SEMA3A: variants seen among roughly 807,000 people sequenced by gnomAD.
SEMA3A encodes semaphorin-3A.
SEMA3A carries 29 observed loss-of-function variants against 97.9 expected under a neutral mutation model. That is an observed-to-expected ratio of 0.30 (90% CI 0.22 to 0.40). SEMA3A has a LOEUF of 0.40. Among genes scored for constraint, SEMA3A ranks in the 10% least tolerant of loss-of-function variants. The pLI, the probability that SEMA3A is intolerant of heterozygous loss-of-function variation, is 1.00. For synonymous variants in SEMA3A, 321 were observed against 323.7 expected, an observed-to-expected ratio of 0.99 and a Z score of 0.09; for missense variants, 763 against 951.3, an observed-to-expected ratio of 0.80 and a Z score of 2.60.
chr7:84,283,008 C>T (rs978775745), intron 3 of SEMA3A, among the ~76,000 whole-genome samples: 15 of 150,344 alleles, frequency 1.0e-4, no homozygotes, highest in African/African-American at 3.6e-4. Flanking sequence ...AGTAAGACTC[C>T]ATCTAAAAAA....
At chr7:84,242,263 A>G (rs1396176631) in intron 3 of SEMA3A, among the ~76,000 whole-genome samples, 1 of 152,206 alleles carries the variant, frequency 6.6e-6, no homozygotes, top group East Asian at 1.9e-4. Context: ...GTCTATGAGC[A>G]TGGAATGTTT....
intron 2 of SEMA3A, among the ~76,000 whole-genome samples, chr7:84,338,539 C>A (rs1802090649): frequency 1.3e-5 from 2 of 151,872 alleles, no homozygotes; most frequent in Admixed American, 1.3e-4. Flanking sequence ...TTAAAGTTAC[C>A]CTCAGACTTT....
intron 3 of SEMA3A, among the ~76,000 whole-genome samples, chr7:84,234,472 A>C (rs1799188289): frequency 6.6e-6 from 1 of 151,956 alleles, no homozygotes; most frequent in Non-Finnish European, 1.5e-5. Flanking sequence ...ATTTGTCTTT[A>C]TCTCTCTACT....
intron 4 of SEMA3A, among the ~76,000 whole-genome samples, chr7:84,067,325 G>T (rs1369194401): frequency 6.6e-6 from 1 of 152,118 alleles, no homozygotes; most frequent in Non-Finnish European, 1.5e-5. Flanking sequence ...AACCCTAGAA[G>T]AAAACCTAGG....
intron 3 of SEMA3A, among the ~76,000 whole-genome samples, chr7:84,211,345 T>A (rs1374822008): frequency 6.6e-6 from 1 of 152,074 alleles, no homozygotes; most frequent in African/African-American, 2.4e-5. Flanking sequence ...GTGTGGTGAC[T>A]TACACCTGTA....
At chr7:84,053,113 G>A (rs958377211) in intron 5 of SEMA3A, among the ~76,000 whole-genome samples, 1 of 141,390 alleles carries the variant, frequency 7.1e-6, no homozygotes, top group African/African-American at 2.5e-5. Flanking sequence ...TACATTTGCT[G>A]AGGAGAGCTT....
At chr7:84,356,226 TTAATA>T (rs1562916864) in intron 2 of SEMA3A, among the ~76,000 whole-genome samples, 1 of 151,884 alleles carries the variant, frequency 6.6e-6, no homozygotes, top group African/African-American at 2.4e-5. Context: ...TTGGATTATA[TTAATA>T]TTATAGTATA....
intron 15 of SEMA3A, among the ~76,000 whole-genome samples, chr7:83,973,031 A>G (rs903237408): frequency 1.3e-5 from 2 of 152,082 alleles, no homozygotes; most frequent in East Asian, 1.9e-4. Context: ...GTGTCTTACA[A>G]TTGTTCTTGA....
At chr7:84,095,444 A>G (rs1264742040) in intron 4 of SEMA3A, among the ~76,000 whole-genome samples, 2 of 146,604 alleles carry the variant, frequency 1.4e-5, no homozygotes, top group African/African-American at 5.0e-5. Flanking sequence ...TACTTTAAAC[A>G]TAAATATAAC....
At chr7:83,984,490 T>G (rs1250724618) in intron 13 of SEMA3A, among the ~76,000 whole-genome samples, 3 of 151,836 alleles carry the variant, frequency 2.0e-5, no homozygotes, top group Admixed American at 6.6e-5. Flanking sequence ...TGGTCAGAGA[T>G]AAAACATGTA....
At chr7:84,316,864 C>T (rs1320188429) in intron 2 of SEMA3A, among the ~76,000 whole-genome samples, 1 of 152,062 alleles carries the variant, frequency 6.6e-6, no homozygotes, top group Non-Finnish European at 1.5e-5. Context: ...TGTCAAAAAC[C>T]TTTTTGCTGC....
At chr7:84,367,634 G>C (rs750884382) in intron 2 of SEMA3A, among the ~76,000 whole-genome samples, 1 of 150,848 alleles carries the variant, frequency 6.6e-6, no homozygotes, top group East Asian at 1.9e-4. Context: ...CTAAGATTTT[G>C]ATAGGACTTG....
At chr7:84,448,262 G>T (rs763327842) in intron 1 of SEMA3A, among the ~76,000 whole-genome samples, 1 of 152,108 alleles carries the variant, frequency 6.6e-6, no homozygotes, top group Non-Finnish European at 1.5e-5. Context: ...CAATTATCCC[G>T]TGAAACTACT....
At chr7:84,465,676 C>T (rs888435926) in intron 1 of SEMA3A, among the ~76,000 whole-genome samples, 6 of 152,032 alleles carry the variant, frequency 3.9e-5, no homozygotes, top group Admixed American at 1.3e-4. Flanking sequence ...TTACATAAGC[C>T]GGAGATCCAG....
chr7:84,152,702 T>C (rs1796714254), intron 1 of SEMA3A, among the ~76,000 whole-genome samples: 1 of 151,716 alleles, frequency 6.6e-6, no homozygotes, highest in Non-Finnish European at 1.5e-5. Flanking sequence ...TAATAAAAAA[T>C]AAATAAATAA....
At chr7:84,476,300 A>G (rs1806278672) in intron 1 of SEMA3A, among the ~76,000 whole-genome samples, 1 of 151,618 alleles carries the variant, frequency 6.6e-6, no homozygotes, top group Non-Finnish European at 1.5e-5. Context: ...CGGAGGTTGC[A>G]GTGAGCCGAG....
At chr7:84,029,200 C>T (rs984655322) in intron 6 of SEMA3A, among the ~76,000 whole-genome samples, 2 of 152,104 alleles carry the variant, frequency 1.3e-5, no homozygotes, top group African/African-American at 4.8e-5. Flanking sequence ...TCTACTAAAT[C>T]GTGACCTATG....
chr7:84,094,864 AG>A (rs1485646793), intron 4 of SEMA3A, among the ~76,000 whole-genome samples: 3 of 152,034 alleles, frequency 2.0e-5, no homozygotes, highest in African/African-American at 7.2e-5. Flanking sequence ...TCCACTTCAA[AG>A]CAATCACCTT....
chr7:84,156,221 T>A (rs58382291), intron 1 of SEMA3A, among the ~76,000 whole-genome samples: 8,049 of 152,250 alleles, frequency 0.053, 440 homozygotes, highest in African/African-American at 0.13. Flanking sequence ...TATACTTTCT[T>A]ACTTCTTAGG....
Sources: gnomAD v4.1 joint callset for allele counts (sites outside exome capture counted in the v4.1 genomes callset) on GRCh38, gnomAD v4.1.1 for gene constraint, MANE v1.5 for transcripts, NCBI Gene and HGNC (gene_info 2026-07-23, HGNC 2026-07-21) for gene names.